GALC: variants seen among roughly 807,000 people sequenced by gnomAD.
GALC encodes galactocerebrosidase.
Under a neutral mutation model 91.8 loss-of-function variants are expected in GALC, and 77 were observed. The observed-to-expected ratio is 0.84, with a 90% CI of 0.70 to 1.01. GALC has a LOEUF of 1.01. Among genes scored for constraint, GALC ranks in the 50% least tolerant of loss-of-function variants. GALC has a pLI of 0.00. For missense variants in GALC, 882 were observed against 855.9 expected (o/e 1.03, Z -0.38); for synonymous variants, 357 against 306.7 (o/e 1.16, Z -1.71).
At chr14:87,962,075 T>C (rs1461006726) in intron 10 of GALC, among the ~76,000 whole-genome samples, 1 of 152,126 alleles carries the variant, frequency 6.6e-6, no homozygotes, top group Admixed American at 6.6e-5. Context: ...TTCCCACCTG[T>C]TAGGGATGTG....
chr14:87,988,253 A>G (rs751437299), intron 2 of GALC, 46 bp from the exon 3 acceptor site: 2 of 1,542,116 alleles, frequency 1.3e-6, no homozygotes, highest in Non-Finnish European at 9.0e-7. Context: ...TATTGTATGA[A>G]GCTTCAAGAC....
At chr14:87,992,850 G>A in intron 1 of GALC, 120 bp downstream of exon 1, 2 of 1,402,418 alleles carry the variant, frequency 1.4e-6, no homozygotes, top group Non-Finnish European at 9.2e-7. Flanking sequence ...GCACCCTAGG[G>A]GAATGCGGCG....
At chr14:87,984,076 G>A (rs1886861810) in intron 5 of GALC, among the ~76,000 whole-genome samples, 2 of 145,712 alleles carry the variant, frequency 1.4e-5, no homozygotes, top group African/African-American at 2.6e-5. Flanking sequence ...ACACAACACT[G>A]TTGTAGGAAC....
chr14:87,934,825 A>G lies in GALC; in HGVS notation c.1965T>C (p.Pro655=). The G allele has an allele frequency of 6.2e-7, 1 of 1,613,010 alleles. No homozygotes were observed. The highest frequency in any genetic ancestry group is 8.5e-7 in the Non-Finnish European group (1 of 1,179,266). The change falls in exon 17 of 17, where the codon CCT becomes CCC. Residue 655 remains proline, a synonymous_variant. Transcript: ENST00000261304. The part of the protein sequence containing the change: ...LNDKSLWTDI[P]VNFPKNGWAA... ...CCCAGCCATTCTTTGGAAAATTCAC[A>G]GGGATGTCTGTCCACAGAGACTTGT...
Position 87,939,955 on chromosome 14 carries a change from G to T in GALC, c.1861C>A (p.Arg621Ser). 1 of 1,610,064 alleles carries T rather than the reference G, an allele frequency of 6.2e-7. No individual in the cohort carries two copies. The highest frequency in any genetic ancestry group is 8.5e-7 in the Non-Finnish European group (1 of 1,177,102). The change falls in exon 16 of 17, where the codon CGT (arginine) becomes AGT (serine). Residue 621 changes from arginine (R) to serine (S), a missense_variant. Physicochemically the swap from Arg to Ser is moderately radical, Grantham distance 110 (BLOSUM62 -1). Coordinates refer to ENST00000261304, the MANE Select transcript of GALC (RefSeq NM_000153.4). ...CATTTTTTTGCTGTAACTTCAACAC[G>T]TCCTAAAGCATATATAATCCATCCA... ...LAGWIIYALG[R>S]VEVTAKKWYT...
At chr14:87,986,117 G>A (rs937123698) in intron 4 of GALC, among the ~76,000 whole-genome samples, 14 of 152,134 alleles carry the variant, frequency 9.2e-5, no homozygotes, top group African/African-American at 3.4e-4. Flanking sequence ...TATAAATACT[G>A]ATGACAGATC....
intron 7 of GALC, 89 bp downstream of exon 7, chr14:87,976,269 A>C: frequency 1.4e-6 from 2 of 1,412,032 alleles, no homozygotes; most frequent in Non-Finnish European, 2.0e-6. Context: ...TGAGAATGTA[A>C]TCAAATGGGG....
At chr14:87,963,000 G>T (rs3906821) in intron 10 of GALC, among the ~76,000 whole-genome samples, 1 of 151,800 alleles carries the variant, frequency 6.6e-6, no homozygotes, top group Non-Finnish European at 1.5e-5. Flanking sequence ...TTTTAAGCTC[G>T]TTGCTCTCAA....
intron 14 of GALC, among the ~76,000 whole-genome samples, chr14:87,944,480 C>T (rs1884984890): frequency 6.6e-6 from 1 of 151,942 alleles, no homozygotes; most frequent in South Asian, 2.1e-4. Context: ...CCAAGAACTC[C>T]ACTACCATAA....
rs138748926 is a variant in GALC, at chr14:87,935,488, C to T, written c.1912-610G>A. Among the ~76,000 whole-genome samples the T allele has an allele frequency of 9.2e-3, 1,403 of 152,140 alleles. 12 individuals carry two copies. Among genetic ancestry groups the T allele is most frequent in the Non-Finnish European group, 0.014 (934 of 67,962 alleles). ...GTTAAAGTGATGCTGGAGTAGGGTG[C>T]AGCGGGTGGAAGAAGGGAGGCATCT... On this transcript the variant is annotated intron_variant, in intron 16 of 16. Coordinates refer to ENST00000261304, the MANE Select transcript of GALC (RefSeq NM_000153.4).
intron 14 of GALC, among the ~76,000 whole-genome samples, chr14:87,942,654 G>A (rs1451773450): frequency 4.6e-5 from 7 of 151,980 alleles, no homozygotes; most frequent in South Asian, 2.1e-4. Flanking sequence ...GGGCTGGGGG[G>A]AATGAGATCT....
chr14:87,934,279 A>C lies in GALC; in HGVS notation c.*453T>G. The C allele has an allele frequency of 7.6e-7, 1 of 1,310,704 alleles. No homozygotes were observed. The highest frequency in any genetic ancestry group is 9.7e-7 in the Non-Finnish European group (1 of 1,026,240). The allele number at this position is 1,310,704 out of a possible 1,614,324, so 81.2% of individuals were successfully genotyped here. A position where few individuals can be genotyped will look rare whatever the true frequency, so the allele number is the denominator to read the frequency against. ...CAAAAAGCTACTTCTAGTGTTCTTC[A>C]GCTTTCTATTATGGCAGCATCATCT... On this transcript the variant is annotated 3_prime_UTR_variant, in exon 17 of 17. Transcript: ENST00000261304.
At chr14:87,939,884 A>T (rs1884761427) in intron 16 of GALC, 21 bp downstream of exon 16, 1 of 1,530,922 alleles carries the variant, frequency 6.5e-7, no homozygotes. Flanking sequence ...TTACCTCCAG[A>T]CTCCAATCAG....
chr14:87,954,061 C>A, intron 10 of GALC: 1 of 1,609,764 alleles, frequency 6.2e-7, no homozygotes, highest in Non-Finnish European at 8.5e-7. Context: ...GTACTACAAT[C>A]AACATTTAGC....
chr14:87,975,211 T>C (rs1026212667), intron 7 of GALC, among the ~76,000 whole-genome samples: 3 of 151,890 alleles, frequency 2.0e-5, no homozygotes, highest in African/African-American at 4.8e-5. Flanking sequence ...ACTGTAGGGG[T>C]TGAAATCAGT....
chr14:87,978,771 T>A (rs1886617139), intron 6 of GALC, among the ~76,000 whole-genome samples: 1 of 151,824 alleles, frequency 6.6e-6, no homozygotes, highest in African/African-American at 2.4e-5. Flanking sequence ...CAGACACAAT[T>A]TAGAAAACTT....
rs1423625765 is a variant in GALC at position 87,941,493 on chromosome 14, G to T, written c.1736C>A (p.Ala579Glu). The T allele has an allele frequency of 6.2e-7, 1 of 1,600,636 alleles. No individual in the cohort carries two copies. Among genetic ancestry groups the T allele is most frequent in the Non-Finnish European group, 8.6e-7 (1 of 1,168,226 alleles). Reference sequence around the variant, plus strand: ...AATACCACCTTTATTTACTCTTCCTGCAATGAACACACCTCCTGTGTCAGG... The same window carrying T: ...AATACCACCTTTATTTACTCTTCCTTCAATGAACACACCTCCTGTGTCAGG... ...ETPDTGGVFI[A>E]GRVNKGGILI... Residue 579 changes from alanine to glutamate, a missense_variant, in exon 15 of 17, where the codon GCA (alanine) becomes GAA (glutamate). Transcript: ENST00000261304.
chr14:87,950,290 C>T (rs1256402074), intron 11 of GALC, among the ~76,000 whole-genome samples: 1 of 151,914 alleles, frequency 6.6e-6, no homozygotes, highest in African/African-American at 2.4e-5. Context: ...TTTGTCAATT[C>T]AAACCTAACA....
At chr14:87,961,956 C>T (rs1885824911) in intron 10 of GALC, among the ~76,000 whole-genome samples, 3 of 152,172 alleles carry the variant, frequency 2.0e-5, no homozygotes, top group Admixed American at 1.3e-4. Context: ...TTTGTGATTC[C>T]TGTATAAATT....
Sources: allele counts gnomAD v4.1 joint callset (sites outside exome capture counted in the v4.1 genomes callset), GRCh38; gene constraint gnomAD v4.1.1; transcripts MANE v1.5; gene names NCBI Gene and HGNC (gene_info 2026-07-23, HGNC 2026-07-21).